TEX36: variants seen among roughly 807,000 people sequenced by gnomAD.
TEX36 encodes the protein testis-expressed protein 36.
Under a neutral mutation model 13.6 loss-of-function variants are expected in TEX36, and 12 were observed. The ratio of observed to expected loss-of-function variants is 0.88; its 90% CI spans 0.56 to 1.43. The LOEUF (loss-of-function observed/expected upper bound fraction) is 1.43. Among genes scored for constraint, TEX36 ranks in the 40% most tolerant of loss-of-function variants. TEX36 has a pLI of 0.00. For synonymous variants in TEX36, 93 were observed against 83.0 expected (o/e 1.12, Z -0.65); for missense variants, 224 against 228.3 (o/e 0.98, Z 0.12).
At chr10:125,609,727 C>G (rs556613334) in intron 3 of TEX36, among the ~76,000 whole-genome samples, 1 of 152,210 alleles carries the variant, frequency 6.6e-6, no homozygotes, top group Non-Finnish European at 1.5e-5. Flanking sequence ...TGGGGACACA[C>G]GTTGCAGCAG....
chr10:125,625,410 C>T (rs140802727), intron 3 of TEX36, among the ~76,000 whole-genome samples: 19 of 152,274 alleles, frequency 1.2e-4, no homozygotes, highest in Middle Eastern at 3.4e-3. Context: ...GAGAGTTGCC[C>T]AAATTGAAGG....
In TEX36 at chr10:125,613,650, T is replaced by C. The variant is rs1209692305; in HGVS notation, c.265-36776A>G. ...GCTGCATAGTATTCCATGGTGTATA[T>C]GTGCCACGTTTTCTTAATCCAGTCT... On this transcript the variant is annotated intron_variant, in intron 3 of 3. Transcript: ENST00000532135. Among the ~76,000 whole-genome samples the C allele has an allele frequency of 2.0e-5, 3 of 152,050 alleles. No individual in the cohort carries two copies. In the East Asian group the frequency reaches 5.8e-4, roughly 29 times the overall value.
chr10:125,668,419 T>C (rs1399233553), intron 1 of TEX36, among the ~76,000 whole-genome samples: 1 of 152,158 alleles, frequency 6.6e-6, no homozygotes, highest in Non-Finnish European at 1.5e-5. Context: ...CAGGAATTTA[T>C]TTATTTCCTC....
chr10:125,599,560 G>A (rs1846120680), intron 3 of TEX36, among the ~76,000 whole-genome samples: 1 of 152,096 alleles, frequency 6.6e-6, no homozygotes, highest in African/African-American at 2.4e-5. Context: ...TGGATGAATA[G>A]CAAATGGAAA....
chr10:125,680,879 A>G (rs1428468643), intron 1 of TEX36, among the ~76,000 whole-genome samples: 1 of 152,212 alleles, frequency 6.6e-6, no homozygotes, highest in Non-Finnish European at 1.5e-5. Flanking sequence ...GAAGGATAAA[A>G]TAAAATTTCT....
chr10:125,617,154 T>A (rs1846371202), downstream of TEX36, among the ~76,000 whole-genome samples: 2 of 151,826 alleles, frequency 1.3e-5, no homozygotes, highest in Non-Finnish European at 2.9e-5. Flanking sequence ...TCTTCCTCCA[T>A]CCTTTTATTT....
intron 3 of TEX36, among the ~76,000 whole-genome samples, chr10:125,600,300 C>T (rs185761018): frequency 2.2e-4 from 33 of 152,064 alleles, no homozygotes; most frequent in Admixed American, 1.4e-3. Flanking sequence ...TGCTGGCTCA[C>T]GTGTAGGCTG....
chr10:125,667,823 C>A, intron 1 of TEX36: 1 of 1,312,336 alleles, frequency 7.6e-7, no homozygotes, highest in Admixed American at 1.7e-5. Context: ...GGACTGCAGC[C>A]GCTTGGCAAT....
downstream of TEX36, among the ~76,000 whole-genome samples, chr10:125,619,198 G>C (rs1846397920): frequency 6.6e-6 from 1 of 152,044 alleles, no homozygotes; most frequent in African/African-American, 2.4e-5. Flanking sequence ...TGGTTGAGTT[G>C]CACCAAGACA....
At chr10:125,607,966 T>C in intron 3 of TEX36, among the ~76,000 whole-genome samples, 1 of 152,152 alleles carries the variant, frequency 6.6e-6, no homozygotes, top group East Asian at 1.9e-4. Context: ...CCTTCTTCCA[T>C]GCATGAAATG....
intron 3 of TEX36, among the ~76,000 whole-genome samples, chr10:125,587,039 T>C (rs1183695826): frequency 2.0e-5 from 3 of 152,194 alleles, no homozygotes; most frequent in Non-Finnish European, 4.4e-5. Context: ...GTGCCTGCCA[T>C]GTAGACGTGC....
chr10:125,671,607 C>G (rs1037021959), intron 1 of TEX36, among the ~76,000 whole-genome samples: 2 of 152,106 alleles, frequency 1.3e-5, no homozygotes, highest in African/African-American at 4.8e-5. Context: ...TTTATTGTGT[C>G]TCTGCCAGGT....
chr10:125,658,558 AG>A (rs971307701), intron 3 of TEX36, among the ~76,000 whole-genome samples: 10 of 151,392 alleles, frequency 6.6e-5, no homozygotes, highest in Non-Finnish European at 8.8e-5. Context: ...TGTAACCAAC[AG>A]GGGGGAATAT....
intron 3 of TEX36, among the ~76,000 whole-genome samples, chr10:125,638,651 G>A (rs542334428): frequency 5.9e-5 from 9 of 152,282 alleles, no homozygotes; most frequent in South Asian, 2.1e-4. Flanking sequence ...TTCTCCCTAC[G>A]TGTCTAGTCC....
downstream of TEX36, among the ~76,000 whole-genome samples, chr10:125,655,442 AC>A (rs1450587872): frequency 1.3e-5 from 2 of 152,186 alleles, no homozygotes; most frequent in African/African-American, 4.8e-5. Context: ...CTGTCTCAAA[AC>A]AAAATTAAAA....
intron 1 of TEX36, among the ~76,000 whole-genome samples, chr10:125,680,175 A>C (rs543860843): frequency 3.9e-5 from 6 of 152,180 alleles, no homozygotes; most frequent in Non-Finnish European, 8.8e-5. Context: ...TCGGGTTCTG[A>C]ACCTTTTCCT....
downstream of TEX36, among the ~76,000 whole-genome samples, chr10:125,619,013 T>C (rs297235): frequency 0.15 from 20,896 of 142,598 alleles, 2,665 homozygotes; most frequent in African/African-American, 0.35. Flanking sequence ...GCCTGTAGTC[T>C]CAGCTACTTG....
At chr10:125,668,398 T>C (rs1847162632) in intron 1 of TEX36, among the ~76,000 whole-genome samples, 1 of 152,044 alleles carries the variant, frequency 6.6e-6, no homozygotes, top group Non-Finnish European at 1.5e-5. Context: ...TCTTGGTAGG[T>C]TGTATGTTTT....
At chr10:125,600,614 G>A (rs567874987) in intron 3 of TEX36, among the ~76,000 whole-genome samples, 62 of 152,276 alleles carry the variant, frequency 4.1e-4, no homozygotes, top group African/African-American at 1.3e-3. Context: ...GAGGACCACC[G>A]CAGTCAAGTC....
Sources: allele counts gnomAD v4.1 joint callset (sites outside exome capture counted in the v4.1 genomes callset), GRCh38; gene constraint gnomAD v4.1.1; transcripts MANE v1.5; gene names NCBI Gene and HGNC (gene_info 2026-07-23, HGNC 2026-07-21).